The following NRCAM variants were observed in gnomAD, a reference collection of about 807,000 sequenced individuals.
NRCAM encodes neuronal cell adhesion molecule, also known as NgCAM-related cell adhesion molecule.
Under a neutral mutation model 156.5 loss-of-function variants are expected in NRCAM, and 83 were observed. The observed-to-expected ratio is 0.53, with a 90% CI of 0.44 to 0.64. The LOEUF (loss-of-function observed/expected upper bound fraction) is 0.64. NRCAM is among the 30% of genes least tolerant of loss of function. The pLI is 0.00. For missense variants in NRCAM, 1,417 were observed against 1,597.3 expected (o/e 0.89, Z 1.92); for synonymous variants, 538 against 563.9 (o/e 0.95, Z 0.65).
At chr7:108,218,558 C>T (rs546493654) in intron 11 of NRCAM, among the ~76,000 whole-genome samples, 5 of 152,242 alleles carry the variant, frequency 3.3e-5, no homozygotes, top group Non-Finnish European at 7.4e-5. Flanking sequence ...CAAAAGGAAC[C>T]TTCAAAGCCA....
At chr7:108,332,171 C>T (rs2099133684) in intron 2 of NRCAM, among the ~76,000 whole-genome samples, 1 of 152,160 alleles carries the variant, frequency 6.6e-6, no homozygotes, top group Admixed American at 6.5e-5. Context: ...AAATACTGTA[C>T]AGAGACCCAG....
chr7:108,330,726 T>C (rs1325587220), intron 2 of NRCAM, among the ~76,000 whole-genome samples: 1 of 152,148 alleles, frequency 6.6e-6, no homozygotes, highest in African/African-American at 2.4e-5. Flanking sequence ...CTGACAGCAA[T>C]CACTCCTTTC....
At chr7:108,400,990 T>C (rs761135684) in intron 1 of NRCAM, among the ~76,000 whole-genome samples, 1 of 152,192 alleles carries the variant, frequency 6.6e-6, no homozygotes, top group African/African-American at 2.4e-5. Context: ...CCAGGTCCAG[T>C]GGCTCACGCC....
intron 2 of NRCAM, among the ~76,000 whole-genome samples, chr7:108,371,545 A>C (rs1426034242): frequency 6.6e-6 from 1 of 152,190 alleles, no homozygotes; most frequent in Admixed American, 6.6e-5. Flanking sequence ...ATGCTAGAAA[A>C]GTGTTCTCAA....
At chr7:108,405,013 C>T (rs556938150) in intron 1 of NRCAM, among the ~76,000 whole-genome samples, 147 of 152,312 alleles carry the variant, frequency 9.7e-4, no homozygotes, top group East Asian at 1.5e-3. Context: ...TCGTCCCCTC[C>T]GCTATGACTA....
intron 11 of NRCAM, among the ~76,000 whole-genome samples, chr7:108,217,873 G>A (rs1398059281): frequency 1.3e-5 from 2 of 152,240 alleles, no homozygotes; most frequent in South Asian, 2.1e-4. Flanking sequence ...GGTGGGATCC[G>A]CTGAGCTAGA....
At chr7:108,319,123 T>C (rs1293763862) in intron 2 of NRCAM, among the ~76,000 whole-genome samples, 1 of 152,154 alleles carries the variant, frequency 6.6e-6, no homozygotes, top group Non-Finnish European at 1.5e-5. Context: ...TTAAAAACTG[T>C]CAAAATCTCA....
At chr7:108,355,600 T>C (rs2099488795) in intron 2 of NRCAM, among the ~76,000 whole-genome samples, 1 of 152,230 alleles carries the variant, frequency 6.6e-6, no homozygotes, top group African/African-American at 2.4e-5. Context: ...AGGTTTTAAA[T>C]GGCATGTCAT....
chr7:108,224,265 TG>T (rs1452622844), intron 10 of NRCAM, among the ~76,000 whole-genome samples: 1 of 151,660 alleles, frequency 6.6e-6, no homozygotes, highest in Non-Finnish European at 1.5e-5. Flanking sequence ...TATAAAGATA[TG>T]GTTATAGAAG....
At chr7:108,388,402 G>A (rs952146529) in intron 2 of NRCAM, among the ~76,000 whole-genome samples, 2 of 152,080 alleles carry the variant, frequency 1.3e-5, no homozygotes, top group Admixed American at 6.6e-5. Context: ...TTTTTGATGA[G>A]GTTGTTTGAT....
At chr7:108,381,323 T>C (rs1418031116) in intron 2 of NRCAM, among the ~76,000 whole-genome samples, 6 of 152,308 alleles carry the variant, frequency 3.9e-5, no homozygotes, top group East Asian at 3.9e-4. Flanking sequence ...TTTAAAATAC[T>C]CTTGCCCACA....
intron 20 of NRCAM, among the ~76,000 whole-genome samples, chr7:108,188,044 A>G (rs551220225): frequency 1.3e-5 from 2 of 152,216 alleles, no homozygotes; most frequent in South Asian, 2.1e-4. Flanking sequence ...AGGAGGGAAG[A>G]CCTTCAGACC....
intron 3 of NRCAM, among the ~76,000 whole-genome samples, chr7:108,295,918 C>T (rs539343124): frequency 2.0e-5 from 3 of 152,196 alleles, no homozygotes; most frequent in Non-Finnish European, 4.4e-5. Context: ...AGCAACCCCA[C>T]TTCCCTCTGC....
intron 2 of NRCAM, among the ~76,000 whole-genome samples, chr7:108,338,162 A>G (rs1165252093): frequency 6.6e-6 from 1 of 152,232 alleles, no homozygotes; most frequent in African/African-American, 2.4e-5. Flanking sequence ...GGTTGAGATC[A>G]TGGCGCAGCC....
chr7:108,216,257 TG>T (rs1208199358), intron 11 of NRCAM, among the ~76,000 whole-genome samples: 2 of 152,222 alleles, frequency 1.3e-5, no homozygotes, highest in African/African-American at 4.8e-5. Context: ...TCTTCTGGCT[TG>T]TAGGGTTTCT....
At chr7:108,234,431 T>A in intron 6 of NRCAM, 152 bp downstream of exon 6, 1 of 609,110 alleles carries the variant, frequency 1.6e-6, no homozygotes, top group Non-Finnish European at 2.9e-6. Flanking sequence ...CAAAGGGCAA[T>A]CTAGTGAGTC....
At chr7:108,383,054 T>C (rs1459561449) in intron 2 of NRCAM, among the ~76,000 whole-genome samples, 2 of 152,094 alleles carry the variant, frequency 1.3e-5, no homozygotes, top group Non-Finnish European at 2.9e-5. Flanking sequence ...CCCACCACAG[T>C]GTCCTGCAGA....
chr7:108,431,988 A>G (rs1201056067), intron 1 of NRCAM, among the ~76,000 whole-genome samples: 4 of 152,212 alleles, frequency 2.6e-5, no homozygotes, highest in East Asian at 1.9e-4. Context: ...TCAAAGTTTT[A>G]AAGTTATCAG....
intron 3 of NRCAM, among the ~76,000 whole-genome samples, chr7:108,308,055 C>T (rs146325344): frequency 6.6e-6 from 1 of 152,250 alleles, no homozygotes; most frequent in Non-Finnish European, 1.5e-5. Flanking sequence ...AATTAAAGTT[C>T]AATAAATGAT....
Sources: allele counts gnomAD v4.1 joint callset (sites outside exome capture counted in the v4.1 genomes callset), GRCh38; gene constraint gnomAD v4.1.1; transcripts MANE v1.5; gene names NCBI Gene and HGNC (gene_info 2026-07-23, HGNC 2026-07-21).